Variants in PCNT observed in about 807,000 individuals in gnomAD.
The protein encoded by PCNT is pericentrin.
Under a neutral mutation model 380.4 loss-of-function variants are expected in PCNT, and 319 were observed. That is an observed-to-expected ratio of 0.84 (90% confidence interval 0.77 to 0.92). The LOEUF is 0.92. Ranked by LOEUF, PCNT falls within the 40% of genes least tolerant of loss-of-function variation. The probability of loss-of-function intolerance (pLI) is 0.00; values close to 1 mark genes in which losing one functional copy is unlikely to be tolerated. For missense variants in PCNT, 4,400 were observed against 4,255.3 expected (o/e 1.03, Z -0.95); for synonymous variants, 1,845 against 1,735.2 (o/e 1.06, Z -1.57).
chr21:46,372,467 C>G (rs1359466993), intron 15 of PCNT, among the ~76,000 whole-genome samples: 1 of 152,214 alleles, frequency 6.6e-6, no homozygotes, highest in African/African-American at 2.4e-5. Flanking sequence ...TGCCTGGGGC[C>G]CTCCTGCTTC....
chr21:46,432,756 C>T (rs1165558649), intron 38 of PCNT, among the ~76,000 whole-genome samples: 1 of 152,066 alleles, frequency 6.6e-6, no homozygotes, highest in Non-Finnish European at 1.5e-5. Context: ...TCCCACGTAG[C>T]TGGGACTGCA....
Position 46,443,966 on chromosome 21 carries a change from A to AG in PCNT, c.9839+20dup. Reference sequence around the variant, plus strand: ...GGGGGAAGGTCAGTGTGATGCCTTCAGGCCCCGTCTCCTGCCAGGGCTCTC... The same window carrying AG: ...GGGGGAAGGTCAGTGTGATGCCTTCAGGGCCCCGTCTCCTGCCAGGGCTCTC... On this transcript the variant is annotated intron_variant, in intron 45 of 46. Transcript: ENST00000359568. The AG allele has an allele frequency of 6.2e-7, 1 of 1,608,466 alleles. No individual in the cohort carries two copies. Among genetic ancestry groups the AG allele is most frequent in the Non-Finnish European group, 8.5e-7 (1 of 1,177,236 alleles).
At chr21:46,418,468 C>T (rs939943576) in intron 31 of PCNT, among the ~76,000 whole-genome samples, 162 bp downstream of exon 31, 1 of 152,138 alleles carries the variant, frequency 6.6e-6, no homozygotes, top group African/African-American at 2.4e-5. Flanking sequence ...GGCCTCTTGA[C>T]TTCTGAAAAC....
chr21:46,407,543 C>A (rs1171986553), intron 27 of PCNT, among the ~76,000 whole-genome samples: 1 of 152,010 alleles, frequency 6.6e-6, no homozygotes, highest in Non-Finnish European at 1.5e-5. Flanking sequence ...CGGGGTTTCA[C>A]CGTGTTAGCC....
intron 11 of PCNT, among the ~76,000 whole-genome samples, chr21:46,354,409 C>T (rs867110002): frequency 1.3e-5 from 2 of 152,244 alleles, no homozygotes; most frequent in African/African-American, 4.8e-5. Flanking sequence ...TGAGTCCACA[C>T]GGAGCGTCTG....
Position 46,355,655 on chromosome 21 carries a change from C to T in PCNT, c.1936+29C>T, listed in dbSNP as rs367978605. The T allele has an allele frequency of 1.4e-5, 23 of 1,610,494 alleles. No individual in the cohort carries two copies. The Admixed American group carries it at 1.7e-4, about 12-fold the overall frequency. On this transcript the variant is annotated intron_variant, in intron 12 of 46. Transcript: ENST00000359568. ...GGCCCCTCCCGCCTCGCCATGGTGTCGGCAGGTCCCGGGTCTGGGGGACGT... is the reference window on the plus strand; with the variant it reads ...GGCCCCTCCCGCCTCGCCATGGTGTTGGCAGGTCCCGGGTCTGGGGGACGT...
chr21:46,391,679 G>C (rs1179694142), intron 21 of PCNT, among the ~76,000 whole-genome samples: 1 of 152,206 alleles, frequency 6.6e-6, no homozygotes, highest in African/African-American at 2.4e-5. Flanking sequence ...AGGCAGAGCC[G>C]AGTGCGGCAA....
chr21:46,413,994 CTTT>C (rs5844268), intron 29 of PCNT, among the ~76,000 whole-genome samples: 41 of 139,000 alleles, frequency 2.9e-4, no homozygotes, highest in Non-Finnish European at 3.8e-4. Flanking sequence ...TTTTTTCTCT[CTTT>C]TTTTTTTTTT....
chr21:46,346,669 C>A, intron 4 of PCNT, 74 bp from the exon 5 acceptor site: 3 of 1,511,412 alleles, frequency 2.0e-6, no homozygotes, highest in African/African-American at 1.4e-5. Context: ...CATTCTCATT[C>A]ATGCTTCTGT....
chr21:46,413,243 G>C (rs4819250), intron 29 of PCNT, among the ~76,000 whole-genome samples: 4 of 124,688 alleles, frequency 3.2e-5, no homozygotes, highest in East Asian at 4.3e-4. Context: ...GTGTGGGGAG[G>C]GGGAAGGCGT....
At chr21:46,356,816 C>T (rs2084497259) in intron 12 of PCNT, among the ~76,000 whole-genome samples, 158 bp from the exon 13 acceptor site, 1 of 152,252 alleles carries the variant, frequency 6.6e-6, no homozygotes, top group Non-Finnish European at 1.5e-5. Flanking sequence ...CTTGAGAGAG[C>T]CATGCCTGCT....
chr21:46,437,510 T>A (rs2053494639), intron 40 of PCNT, among the ~76,000 whole-genome samples: 1 of 152,222 alleles, frequency 6.6e-6, no homozygotes, highest in Admixed American at 6.5e-5. Flanking sequence ...TGGCCCAGCC[T>A]GCTGGCTTTG....
At chr21:46,357,592 A>G (rs1231239540) in intron 13 of PCNT, among the ~76,000 whole-genome samples, 2 of 152,060 alleles carry the variant, frequency 1.3e-5, no homozygotes, top group East Asian at 3.9e-4. Context: ...ATGCCTGGCT[A>G]ATTTTTGTAT....
chr21:46,371,570 A>G (rs558150734), intron 15 of PCNT, among the ~76,000 whole-genome samples: 4 of 152,330 alleles, frequency 2.6e-5, no homozygotes, highest in Admixed American at 2.0e-4. Context: ...TTGTGTCAGA[A>G]GAAGCCAGAC....
In PCNT at chr21:46,346,218, C is replaced by A; in HGVS notation, c.720+10C>A. On this transcript the variant is annotated intron_variant, in intron 4 of 46. Coordinates refer to ENST00000359568, the MANE Select transcript of PCNT (RefSeq NM_006031.6). ...CCTGCATCAGAGTCAGGTGACCCGG[C>A]GGGGCCTGCACAGGCTCACAGCATG... 1 of 1,414,954 alleles carries A rather than the reference C, an allele frequency of 7.1e-7. No homozygotes were observed. The highest frequency in any genetic ancestry group is 9.5e-7 in the Non-Finnish European group (1 of 1,056,556). The allele number at this position is 1,414,954 out of a possible 1,614,324, so 87.6% of individuals were successfully genotyped here. A position where few individuals can be genotyped will look rare whatever the true frequency, so the allele number is the denominator to read the frequency against.
chr21:46,432,863 C>A (rs984185409), intron 38 of PCNT, among the ~76,000 whole-genome samples: 1 of 152,190 alleles, frequency 6.6e-6, no homozygotes, highest in Non-Finnish European at 1.5e-5. Flanking sequence ...TCAGGTGATC[C>A]GCCCGCCTGG....
At chr21:46,344,694 G>C (rs1246952954) in intron 3 of PCNT, among the ~76,000 whole-genome samples, 1 of 152,246 alleles carries the variant, frequency 6.6e-6, no homozygotes, top group African/African-American at 2.4e-5. Flanking sequence ...CCACAGGCAG[G>C]GGATACGTCC....
At chr21:46,350,846 G>A (rs2084240559) in intron 8 of PCNT, among the ~76,000 whole-genome samples, 1 of 152,154 alleles carries the variant, frequency 6.6e-6, no homozygotes, top group Non-Finnish European at 1.5e-5. Context: ...GATTGGGAAA[G>A]GTAGGAGGAG....
chr21:46,372,111 G>A (rs2085161383), intron 15 of PCNT, among the ~76,000 whole-genome samples: 1 of 146,564 alleles, frequency 6.8e-6, no homozygotes, highest in African/African-American at 2.6e-5. Flanking sequence ...TGCATACACA[G>A]CACATGCACA....
Sources: allele counts gnomAD v4.1 joint callset (sites outside exome capture counted in the v4.1 genomes callset), GRCh38; gene constraint gnomAD v4.1.1; transcripts MANE v1.5; gene names NCBI Gene and HGNC (gene_info 2026-07-23, HGNC 2026-07-21).